HS6ST2: variants seen among roughly 807,000 people sequenced by gnomAD.
The protein encoded by HS6ST2 is heparan sulfate 6-O-sulfotransferase 2, also known as heparan-sulfate 6-O-sulfotransferase 2.
HS6ST2 carries 17 observed loss-of-function variants against 33.0 expected under a neutral mutation model. That is an observed-to-expected ratio of 0.52 (90% CI 0.35 to 0.77). HS6ST2 has a LOEUF of 0.77. HS6ST2 is among the 30% of genes least tolerant of loss of function. The probability of loss-of-function intolerance (pLI) is 0.01; values close to 1 mark genes in which losing one functional copy is unlikely to be tolerated. For missense variants in HS6ST2, 519 were observed against 551.7 expected, an observed-to-expected ratio of 0.94 and a Z score of 0.59; for synonymous variants, 248 against 237.1, an observed-to-expected ratio of 1.05 and a Z score of -0.42.
intron 2 of HS6ST2, among the ~76,000 whole-genome samples, chrX:132,775,555 T>A: frequency 8.9e-6 from 1 of 111,879 alleles, no homozygotes; most frequent in Non-Finnish European, 1.9e-5. Context: ...TTATGAGACA[T>A]AATGCAAGAA....
intron 2 of HS6ST2, among the ~76,000 whole-genome samples, chrX:132,766,835 G>A (rs1039016894): frequency 8.9e-6 from 1 of 112,044 alleles, no homozygotes; most frequent in African/African-American, 3.2e-5. Flanking sequence ...GTGAATGGTT[G>A]AGGTACTTTT....
At chrX:132,681,769 G>C (rs951638947) in intron 3 of HS6ST2, among the ~76,000 whole-genome samples, 66 of 112,019 alleles carry the variant, frequency 5.9e-4, no homozygotes, top group African/African-American at 2.1e-3. Context: ...TTCAAACAAT[G>C]GTCCTCTGGT....
At chrX:132,950,304 ATGAG>A (rs1239724219) in intron 2 of HS6ST2, among the ~76,000 whole-genome samples, 1 of 112,499 alleles carries the variant, frequency 8.9e-6, no homozygotes, top group Non-Finnish European at 1.9e-5. Context: ...CAATAAATAA[ATGAG>A]TGAATGAATG....
At chrX:132,724,659 A>C (rs996827911) in intron 2 of HS6ST2, among the ~76,000 whole-genome samples, 3 of 111,990 alleles carry the variant, frequency 2.7e-5, no homozygotes, top group Non-Finnish European at 5.6e-5. Flanking sequence ...AAATCATCCT[A>C]AAATTTCTAC....
At chrX:132,658,585 GT>G (rs762702689) in intron 4 of HS6ST2, among the ~76,000 whole-genome samples, 1 of 111,931 alleles carries the variant, frequency 8.9e-6, no homozygotes, top group Non-Finnish European at 1.9e-5. Flanking sequence ...AAAGGGCCCT[GT>G]TTTGAATCAT....
chrX:132,763,380 G>A (rs1367719905), intron 2 of HS6ST2, among the ~76,000 whole-genome samples: 1 of 112,625 alleles, frequency 8.9e-6, no homozygotes, highest in African/African-American at 3.2e-5. Context: ...TATTCTCACT[G>A]GGCATTCCCA....
intron 2 of HS6ST2, among the ~76,000 whole-genome samples, chrX:132,901,529 G>C (rs2066426010): frequency 1.8e-5 from 2 of 110,986 alleles, no homozygotes; most frequent in Admixed American, 9.6e-5. Context: ...ATCCACCATA[G>C]TAAAAGCAGG....
chrX:132,781,537 G>A (rs2148331868), intron 2 of HS6ST2, among the ~76,000 whole-genome samples: 1 of 111,555 alleles, frequency 9.0e-6, no homozygotes, highest in East Asian at 2.8e-4. Context: ...AGGGGGAGAG[G>A]TGGCTAGACA....
At chrX:132,773,157 ATATATAC>A (rs1181051068) in intron 2 of HS6ST2, among the ~76,000 whole-genome samples, 19 of 100,018 alleles carry the variant, frequency 1.9e-4, no homozygotes, top group Non-Finnish European at 2.7e-4. Context: ...TATATTGATT[ATATATAC>A]TATATAATAT....
intron 2 of HS6ST2, among the ~76,000 whole-genome samples, chrX:132,728,324 TA>T: frequency 8.9e-6 from 1 of 112,214 alleles, no homozygotes; most frequent in South Asian, 3.8e-4. Flanking sequence ...AGAGTTCCAC[TA>T]AATTGGAAAC....
rs900856030 is a variant in HS6ST2, at chrX:132,823,008, G to A, written c.948-114514C>T. Among the ~76,000 whole-genome samples, 15 of 112,687 alleles carry A rather than the reference G, an allele frequency of 1.3e-4. 1 individual carries two copies. The highest frequency in any genetic ancestry group is 7.5e-5 in the Non-Finnish European group (4 of 53,379). Reference sequence around the variant, plus strand: ...ACAAGGCCCATGGAACATGGACTACGAAATAAAGGCTCTGTAGGAAGACTA... The same window carrying A: ...ACAAGGCCCATGGAACATGGACTACAAAATAAAGGCTCTGTAGGAAGACTA... On this transcript the variant is annotated intron_variant, in intron 2 of 4. Coordinates refer to ENST00000370833, the MANE Select transcript of HS6ST2 (RefSeq NM_001394073.1).
intron 2 of HS6ST2, among the ~76,000 whole-genome samples, chrX:132,786,950 T>A (rs745699168): frequency 9.4e-6 from 1 of 106,408 alleles, no homozygotes; most frequent in African/African-American, 3.4e-5. Flanking sequence ...GATCCCTTTG[T>A]TCTTCCTTCT....
chrX:132,662,008 G>A (rs1465353284), intron 4 of HS6ST2, among the ~76,000 whole-genome samples: 1 of 111,176 alleles, frequency 9.0e-6, no homozygotes, highest in East Asian at 2.8e-4. Flanking sequence ...GAATGAAGTT[G>A]GAGAGCTCAC....
At chrX:132,675,235 A>G (rs1381811434) in intron 3 of HS6ST2, among the ~76,000 whole-genome samples, 2 of 110,552 alleles carry the variant, frequency 1.8e-5, no homozygotes, top group Non-Finnish European at 3.8e-5. Context: ...GACAAGGCAG[A>G]TGTGCGGTCA....
At position 132,637,862 on chromosome X, in the gene HS6ST2, A is replaced by ATATTTTATATAT. The variant is rs1491240280; in HGVS notation, c.1068-8770_1068-8769insATATATAAAATA. Reference sequence around the variant, plus strand: ...ATATTTTATATATAATATATATATAATATATTATATATAATATATATATAA... The same window carrying ATATTTTATATAT: ...ATATTTTATATATAATATATATATAATATTTTATATATTATATTATATATAATATATATATAA... On this transcript the variant is annotated intron_variant, in intron 4 of 4. Coordinates refer to ENST00000370833, the MANE Select transcript of HS6ST2 (RefSeq NM_001394073.1). 1.1e-3 allele frequency among the ~76,000 whole-genome samples: 37 copies of ATATTTTATATAT among 34,569 alleles called. No homozygotes were observed. The South Asian group carries it at 0.014, about 13-fold the overall frequency. 30.0% of individuals were successfully genotyped at this position (34,569 alleles called of 115,157 possible).
intron 2 of HS6ST2, among the ~76,000 whole-genome samples, chrX:132,948,385 G>A (rs998465762): frequency 8.9e-6 from 1 of 112,077 alleles, no homozygotes; most frequent in Non-Finnish European, 1.9e-5. Context: ...TTATATCATA[G>A]GATAACAAGT....
chrX:132,938,192 A>T (rs1395011650), intron 2 of HS6ST2, among the ~76,000 whole-genome samples: 1 of 109,294 alleles, frequency 9.1e-6, no homozygotes, highest in Non-Finnish European at 1.9e-5. Context: ...ATAAAAAATA[A>T]AGAGAAAAAA....
chrX:132,629,124 G>T (rs755019550), intron 4 of HS6ST2, 31 bp from the exon 5 acceptor site: 2 of 1,164,920 alleles, frequency 1.7e-6, no homozygotes, highest in Admixed American at 4.9e-5. Flanking sequence ...CCAACAGTCA[G>T]AGATATGGGC....
chrX:132,770,746 A>G (rs1201332913), intron 2 of HS6ST2, among the ~76,000 whole-genome samples: 1 of 111,351 alleles, frequency 9.0e-6, no homozygotes, highest in Non-Finnish European at 1.9e-5. Context: ...TCATTTGAGA[A>G]ATATTCACCT....
Sources: allele counts gnomAD v4.1 joint callset (sites outside exome capture counted in the v4.1 genomes callset), GRCh38; gene constraint gnomAD v4.1.1; transcripts MANE v1.5; gene names NCBI Gene and HGNC (gene_info 2026-07-23, HGNC 2026-07-21).